The following SLC25A21 variants were observed in gnomAD, a reference collection of about 807,000 sequenced individuals.
SLC25A21 encodes solute carrier family 25 member 21, also known as mitochondrial 2-oxodicarboxylate carrier.
SLC25A21 carries 47 observed loss-of-function variants against 43.8 expected under a neutral mutation model. That is an observed-to-expected ratio of 1.07 (90% CI 0.85 to 1.37). SLC25A21 has a LOEUF of 1.37. SLC25A21 is among the 40% of genes most tolerant of loss of function. The pLI is 0.00. For synonymous variants in SLC25A21, 131 were observed against 121.3 expected (o/e 1.08, Z -0.52); for missense variants, 352 against 350.2 (o/e 1.00, Z -0.04).
At chr14:36,851,835 C>T (rs1159479992) in intron 2 of SLC25A21, among the ~76,000 whole-genome samples, 1 of 152,138 alleles carries the variant, frequency 6.6e-6, no homozygotes, top group Non-Finnish European at 1.5e-5. Context: ...TTGATACACA[C>T]TGATGTTTGC....
rs565904391 is a variant in SLC25A21 at position 37,166,404 on chromosome 14, G to A, written c.70+5877C>T. ...AATATAAACTAATTACAGCTACAGC[G>A]ATTATAAGAGTAGACTTGACTTCGT... On this transcript the variant is annotated intron_variant, in intron 1 of 9. Coordinates refer to ENST00000331299, the MANE Select transcript of SLC25A21 (RefSeq NM_030631.4). 7.3e-4 allele frequency among the ~76,000 whole-genome samples: 111 copies of A among 152,300 alleles called. 1 individual carries two copies. Among genetic ancestry groups the A allele is most frequent in the Admixed American group, 2.2e-3 (34 of 15,290 alleles).
At chr14:36,966,340 T>C (rs1332269326) in intron 1 of SLC25A21, among the ~76,000 whole-genome samples, 1 of 152,186 alleles carries the variant, frequency 6.6e-6, no homozygotes, top group Non-Finnish European at 1.5e-5. Flanking sequence ...AGATGGTCCA[T>C]AGAGAAAGGA....
intron 2 of SLC25A21, among the ~76,000 whole-genome samples, chr14:36,860,268 C>G (rs1465235869): frequency 1.3e-5 from 2 of 152,054 alleles, no homozygotes; most frequent in East Asian, 3.9e-4. Context: ...AAAAGGGATT[C>G]CAAGAACACA....
At chr14:36,941,581 C>T (rs937724467) in intron 1 of SLC25A21, among the ~76,000 whole-genome samples, 2 of 151,784 alleles carry the variant, frequency 1.3e-5, no homozygotes, top group African/African-American at 2.4e-5. Flanking sequence ...ATCTGTGATG[C>T]ATATTTAATT....
At chr14:37,053,218 T>C (rs1961749327) in intron 1 of SLC25A21, among the ~76,000 whole-genome samples, 2 of 152,142 alleles carry the variant, frequency 1.3e-5, no homozygotes, top group African/African-American at 4.8e-5. Context: ...GGAAAAGAGA[T>C]GAGAACCAAG....
At chr14:36,751,172 G>C (rs1885695217) in intron 3 of SLC25A21, among the ~76,000 whole-genome samples, 1 of 152,196 alleles carries the variant, frequency 6.6e-6, no homozygotes, top group Admixed American at 6.5e-5. Context: ...ATCAAGACTA[G>C]TAGAAATCTG....
intron 1 of SLC25A21, among the ~76,000 whole-genome samples, chr14:36,877,911 A>G (rs1326317154): frequency 6.6e-6 from 1 of 152,044 alleles, no homozygotes; most frequent in Non-Finnish European, 1.5e-5. Flanking sequence ...TCTTTTTTTA[A>G]TAGCTCTTGG....
At chr14:37,040,045 A>T (rs1961412743) in intron 1 of SLC25A21, among the ~76,000 whole-genome samples, 1 of 151,066 alleles carries the variant, frequency 6.6e-6, no homozygotes, top group Admixed American at 6.6e-5. Context: ...AAATATAAAA[A>T]AAAAATTAGC....
At chr14:37,000,452 T>TC (rs1282935592) in intron 1 of SLC25A21, among the ~76,000 whole-genome samples, 8 of 152,158 alleles carry the variant, frequency 5.3e-5, no homozygotes, top group South Asian at 2.1e-4. Flanking sequence ...GCCTTAGCTT[T>TC]CCTCCTACTC....
chr14:36,755,509 G>A (rs1885891500), intron 3 of SLC25A21, among the ~76,000 whole-genome samples: 2 of 152,124 alleles, frequency 1.3e-5, no homozygotes, highest in Non-Finnish European at 2.9e-5. Flanking sequence ...CATGGGGCAT[G>A]GCAATGCATC....
chr14:37,118,698 C>A (rs1470835960), intron 1 of SLC25A21, among the ~76,000 whole-genome samples: 1 of 152,036 alleles, frequency 6.6e-6, no homozygotes. Flanking sequence ...AGAGTAATTC[C>A]CTGGACTATC....
At position 36,704,030 on chromosome 14, in the gene SLC25A21, C is replaced by T. The variant is rs17105080; in HGVS notation, c.603+7288G>A. Among the ~76,000 whole-genome samples, 3,891 of 152,218 alleles carry T rather than the reference C, an allele frequency of 0.026. 258 individuals are homozygous for T. In the East Asian group the frequency reaches 0.29, roughly 11 times the overall value. ...ATGAATGCCTCCATTAAGTGAATTC[C>T]ATGGTCAGTCAATATCCAAAGCAGT... On this transcript the variant is annotated intron_variant, in intron 7 of 9. Transcript: ENST00000331299.
intron 1 of SLC25A21, among the ~76,000 whole-genome samples, chr14:36,895,790 G>A (rs1264889679): frequency 2.0e-5 from 3 of 152,078 alleles, no homozygotes; most frequent in African/African-American, 4.8e-5. Context: ...CCTTCATTTC[G>A]TTATGTACCC....
intron 7 of SLC25A21, among the ~76,000 whole-genome samples, chr14:36,705,662 T>A (rs1199080653): frequency 6.6e-6 from 1 of 152,136 alleles, no homozygotes; most frequent in East Asian, 1.9e-4. Context: ...AAAAACATTA[T>A]GAACAGTTTC....
chr14:37,109,051 G>A (rs1962971435), intron 1 of SLC25A21, among the ~76,000 whole-genome samples: 1 of 152,040 alleles, frequency 6.6e-6, no homozygotes, highest in African/African-American at 2.4e-5. Flanking sequence ...TATTTGTTGT[G>A]TTTATTTTTT....
At chr14:36,784,876 A>T (rs970560870) in intron 3 of SLC25A21, among the ~76,000 whole-genome samples, 1 of 152,204 alleles carries the variant, frequency 6.6e-6, no homozygotes, top group Non-Finnish European at 1.5e-5. Flanking sequence ...TTACCATACT[A>T]TATATATTTG....
chr14:36,917,285 G>C (rs570945192), intron 1 of SLC25A21, among the ~76,000 whole-genome samples: 59 of 152,116 alleles, frequency 3.9e-4, no homozygotes, highest in African/African-American at 1.3e-3. Flanking sequence ...TCCTAAGTGA[G>C]CCTCATGACT....
intron 1 of SLC25A21, among the ~76,000 whole-genome samples, chr14:37,087,970 A>G (rs1962516935): frequency 6.6e-6 from 1 of 152,220 alleles, no homozygotes; most frequent in African/African-American, 2.4e-5. Flanking sequence ...AAGGACATCT[A>G]ATCTTTGACA....
chr14:36,776,234 C>CTTTTTTT (rs1397904925), intron 3 of SLC25A21, among the ~76,000 whole-genome samples: 1,745 of 75,192 alleles, frequency 0.023, 185 homozygotes, highest in African/African-American at 0.097. Flanking sequence ...TTCTTTCTTT[C>CTTTTTTT]TTTCTTTTTT....
Sources: gnomAD v4.1 joint callset for allele counts (sites outside exome capture counted in the v4.1 genomes callset) on GRCh38, gnomAD v4.1.1 for gene constraint, MANE v1.5 for transcripts, NCBI Gene and HGNC (gene_info 2026-07-23, HGNC 2026-07-21) for gene names.